Variants in KIF1A observed in about 807,000 individuals in gnomAD.
KIF1A encodes the protein kinesin-like protein KIF1A.
KIF1A carries 46 observed loss-of-function variants against 227.3 expected under a neutral mutation model. The ratio of observed to expected loss-of-function variants is 0.20; its 90% CI spans 0.16 to 0.26. KIF1A has a LOEUF of 0.26. Ranked by LOEUF, KIF1A falls within the 10% of genes least tolerant of loss-of-function variation. KIF1A has a pLI of 1.00. For missense variants in KIF1A, 1,683 were observed against 2,485.9 expected, an observed-to-expected ratio of 0.68 and a Z score of 6.87; for synonymous variants, 1,022 against 1,012.8, an observed-to-expected ratio of 1.01 and a Z score of -0.17.
Position 240,754,832 on chromosome 2 carries a change from C to G in KIF1A, c.2858+2487G>C, listed in dbSNP as rs530734377. Among the ~76,000 whole-genome samples the G allele has an allele frequency of 2.0e-5, 3 of 152,274 alleles. No individual in the cohort carries two copies. In the East Asian group the frequency reaches 5.8e-4, roughly 29 times the overall value. ...CCAAGACAGAGGGGCCCCAGCCCACCAAGAGCACCATGTGGGACCCAAGGG... is the reference window on the plus strand; with the variant it reads ...CCAAGACAGAGGGGCCCCAGCCCACGAAGAGCACCATGTGGGACCCAAGGG... On this transcript the variant is annotated intron_variant, in intron 27 of 48. Coordinates refer to ENST00000498729, the MANE Select transcript of KIF1A (RefSeq NM_001244008.2).
chr2:240,749,124 C>CAAAAA (rs71049518), intron 28 of KIF1A, among the ~76,000 whole-genome samples: 1 of 132,350 alleles, frequency 7.6e-6, no homozygotes, highest in African/African-American at 2.8e-5. Context: ...AGACTTTGTC[C>CAAAAA]AAAAAAAAAA....
At position 240,736,933 on chromosome 2, in the gene KIF1A, G is replaced by A; in HGVS notation, c.4007+130C>T. On this transcript the variant is annotated intron_variant, in intron 38 of 48. Transcript: ENST00000498729. This position sits in a 1 kb window ranked among gnomAD's most constrained non-coding sequence, Gnocchi z 4.7. ...CCCTCACCGCACAGCTCCTGCAGGT[G>A]CCAGGAGGGAGGGCCGGGAGAGCGT... is the stretch of plus-strand genomic sequence containing the variant. 1 of 743,136 alleles carries A rather than the reference G, an allele frequency of 1.3e-6. No homozygotes were observed. 46.0% of individuals were successfully genotyped at this position (743,136 alleles called of 1,614,324 possible). A position where few individuals can be genotyped will look rare whatever the true frequency, so the allele number is the denominator to read the frequency against.
At chr2:240,798,428 G>A in intron 1 of KIF1A, among the ~76,000 whole-genome samples, 1 of 152,250 alleles carries the variant, frequency 6.6e-6, no homozygotes, top group East Asian at 1.9e-4. Context: ...GCAGAAGGTG[G>A]AGAGGAACAT....
rs760081049 is a variant in KIF1A at position 240,737,181 on chromosome 2, C to T, written c.3902-13G>A. ...TTTCGGATGCGGCCTGCAGAAAAGG[C>T]AACGGGCCACAGGTCACTTCCCAGG... On this transcript the variant is annotated splice_polypyrimidine_tract_variant and intron_variant, in intron 37 of 48. Coordinates refer to ENST00000498729, the MANE Select transcript of KIF1A (RefSeq NM_001244008.2). 3 of 1,609,870 alleles carry T rather than the reference C, an allele frequency of 1.9e-6. No homozygotes were observed. Among genetic ancestry groups the T allele is most frequent in the South Asian group, 2.2e-5 (2 of 90,978 alleles).
intron 27 of KIF1A, among the ~76,000 whole-genome samples, chr2:240,751,419 G>A (rs1180593055): frequency 6.6e-6 from 1 of 152,162 alleles, no homozygotes; most frequent in African/African-American, 2.4e-5. Context: ...TACTGATGAG[G>A]GGATGAGTGA....
chr2:240,818,923 C>T (rs1395248336), intron 1 of KIF1A: 1 of 152,314 alleles, frequency 6.6e-6, no homozygotes, highest in Non-Finnish European at 1.5e-5. Flanking sequence ...AAAGGGCTGA[C>T]GCTTGGGGAA....
chr2:240,746,824 G>A (rs1477664937), intron 29 of KIF1A, among the ~76,000 whole-genome samples: 3 of 152,230 alleles, frequency 2.0e-5, no homozygotes, highest in Non-Finnish European at 2.9e-5. Context: ...GGCAGCCTCA[G>A]GGGGGCAGCC....
In KIF1A at chr2:240,726,735, T is replaced by C. The variant is rs2046056305; in HGVS notation, c.4122+91A>G. The stretch of plus-strand genomic sequence containing the variant: ...GGACTTGAGAACTAGAGAAGTCGTC[T>C]GGGTCATATGGGGTTGTCCAGAGCT... On this transcript the variant is annotated intron_variant, in intron 39 of 48. Coordinates refer to ENST00000498729, the MANE Select transcript of KIF1A (RefSeq NM_001244008.2). This position sits in a 1 kb window ranked among gnomAD's most constrained non-coding sequence, Gnocchi z 5.2. The C allele has an allele frequency of 3.0e-6, 2 of 658,928 alleles. No homozygotes were observed. The highest frequency in any genetic ancestry group is 2.3e-5 in the South Asian group (1 of 43,756). 40.8% of individuals were successfully genotyped at this position (658,928 alleles called of 1,614,324 possible).
At position 240,742,916 on chromosome 2, in the gene KIF1A, A is replaced by G. The variant is rs1361694043; in HGVS notation, c.3640+13T>C. 1.2e-6 allele frequency: 2 copies of G among 1,609,552 alleles called. No homozygotes were observed. The highest frequency in any genetic ancestry group is 2.7e-5 in the African/African-American group (2 of 74,898). On this transcript the variant is annotated intron_variant, in intron 34 of 48. Coordinates refer to ENST00000498729, the MANE Select transcript of KIF1A (RefSeq NM_001244008.2). ...GCTCACTGCCCTGAGACGGCTCCAG[A>G]GACCCTTCCTACCTGGCTTGGACAG...
chr2:240,785,821 G>A (rs1415689172), intron 6 of KIF1A, among the ~76,000 whole-genome samples: 2 of 152,178 alleles, frequency 1.3e-5, no homozygotes, highest in African/African-American at 4.8e-5. Flanking sequence ...GAGTGACAAG[G>A]GCCATCACCT....
intron 37 of KIF1A, among the ~76,000 whole-genome samples, chr2:240,738,687 C>T (rs1380723361): frequency 2.0e-5 from 3 of 152,240 alleles, no homozygotes; most frequent in Non-Finnish European, 4.4e-5. Flanking sequence ...AATAGCATCC[C>T]TGATCACCCA....
At position 240,761,206 on chromosome 2, in the gene KIF1A, G is replaced by A. The variant is rs73102643; in HGVS notation, c.2265+23C>T. On this transcript the variant is annotated intron_variant, in intron 24 of 48. Transcript: ENST00000498729. ...TGACACACTCTCTCCAACAGGAAACGGTACAGCCAGTGGGCAGCCCACCTT... is the reference window on the plus strand; with the variant it reads ...TGACACACTCTCTCCAACAGGAAACAGTACAGCCAGTGGGCAGCCCACCTT... The A allele has an allele frequency of 2.9e-4, 461 of 1,602,882 alleles. 1 individual carries two copies. The African/African-American group carries it at 4.5e-3, about 16-fold the overall frequency.
Position 240,725,676 on chromosome 2 carries a change from T to G in KIF1A, c.4123-272A>C. 2.4e-6 allele frequency: 1 copy of G among 424,594 alleles called. No homozygotes were observed. 26.3% of individuals were successfully genotyped at this position (424,594 alleles called of 1,614,324 possible). A position where few individuals can be genotyped will look rare whatever the true frequency, so the allele number is the denominator to read the frequency against. On this transcript the variant is annotated intron_variant, in intron 39 of 48. Transcript: ENST00000498729. This position sits in a 1 kb window ranked among gnomAD's most constrained non-coding sequence, Gnocchi z 5.8. ...GTGGGGACCCCGAGGGTCCCAGACA[T>G]AGGCTCACTGCTCGGGCCTCAGCTG...
chr2:240,750,081 A>T (rs2049037646), intron 28 of KIF1A, among the ~76,000 whole-genome samples: 1 of 152,234 alleles, frequency 6.6e-6, no homozygotes, highest in Non-Finnish European at 1.5e-5. Context: ...CCTGATGGGA[A>T]GGTGGAAACC....
At position 240,760,769 on chromosome 2, in the gene KIF1A, G is replaced by A. The variant is rs990063618; in HGVS notation, c.2340C>T (p.Ala780=). 11 of 1,601,788 alleles carry A rather than the reference G, an allele frequency of 6.9e-6. No individual in the cohort carries two copies. The highest frequency in any genetic ancestry group is 2.3e-5 in the East Asian group (1 of 43,994). The part of the protein sequence containing the change: ...PLPPDLLPPE[A]AKDRETRPFP... ...AGGGCCGCGTCTCTCGGTCTTTGGC[G>A]GCCTCTGGGGGCAGCAGGTCGGGTG... The change falls in exon 25 of 49, where the codon GCC becomes GCT. Residue 780 remains alanine, a synonymous_variant. Coordinates refer to ENST00000498729, the MANE Select transcript of KIF1A (RefSeq NM_001244008.2).
At chr2:240,785,152 G>T in intron 6 of KIF1A, 52 bp from the exon 7 acceptor site, 1 of 1,443,218 alleles carries the variant, frequency 6.9e-7, no homozygotes, top group African/African-American at 1.4e-5. Context: ...GGCCGGGTGC[G>T]AGATCGCCGG....
intron 1 of KIF1A, among the ~76,000 whole-genome samples, chr2:240,800,861 C>A (rs1010883886): frequency 6.6e-6 from 1 of 152,204 alleles, no homozygotes; most frequent in African/African-American, 2.4e-5. Flanking sequence ...CAGCAAGGTA[C>A]GAAACCTAAG....
At chr2:240,779,368 CCTCA>C (rs1355143505) in intron 10 of KIF1A, among the ~76,000 whole-genome samples, 1 of 136,686 alleles carries the variant, frequency 7.3e-6, no homozygotes, top group African/African-American at 3.1e-5. Context: ...TCACTCAGTT[CCTCA>C]CTCAGTTCCT....
At chr2:240,741,994 A>G (rs915912712) in intron 34 of KIF1A, among the ~76,000 whole-genome samples, 3 of 152,112 alleles carry the variant, frequency 2.0e-5, no homozygotes, top group Admixed American at 2.0e-4. Context: ...TGCCTCTCCT[A>G]CAAATATGGA....
Sources: allele counts gnomAD v4.1 joint callset (sites outside exome capture counted in the v4.1 genomes callset), GRCh38; gene constraint gnomAD v4.1.1; non-coding constraint Gnocchi (gnomAD v3.1); transcripts MANE v1.5; gene names NCBI Gene and HGNC (gene_info 2026-07-23, HGNC 2026-07-21).